Variants in CD96 observed in about 807,000 individuals in gnomAD.
CD96 encodes T-cell surface protein tactile.
A neutral mutation model predicts 71.3 loss-of-function variants in CD96; 70 were observed. The observed-to-expected ratio is 0.98, with a 90% CI of 0.81 to 1.20. The LOEUF (loss-of-function observed/expected upper bound fraction) is 1.20, where lower values mean the gene tolerates loss of function less well. Among genes scored for constraint, CD96 ranks in the 50% most tolerant of loss-of-function variants. The pLI is 0.00. For synonymous variants in CD96, 248 were observed against 233.0 expected (o/e 1.06, Z -0.59); for missense variants, 742 against 677.5 (o/e 1.10, Z -1.06).
rs994988882 is a variant in CD96 at position 111,618,121 on chromosome 3, C to T, written c.1181-5633C>T. 1.1e-4 allele frequency among the ~76,000 whole-genome samples: 16 copies of T among 152,358 alleles called. 1 individual carries two copies. In the East Asian group the frequency reaches 1.2e-3, roughly 11 times the overall value. On this transcript the variant is annotated intron_variant, in intron 8 of 13. Coordinates refer to ENST00000352690, the MANE Select transcript of CD96 (RefSeq NM_005816.5). ...GGCTGTGTGCAGTGGCCAGACCCCA[C>T]GCTCACTCGTTCACACACCCCTTGC... is the stretch of plus-strand genomic sequence containing the variant.
intron 2 of CD96, among the ~76,000 whole-genome samples, chr3:111,550,500 T>C (rs1440949443): frequency 6.6e-6 from 1 of 151,690 alleles, no homozygotes; most frequent in Non-Finnish European, 1.5e-5. Flanking sequence ...GGTAGTTAAA[T>C]ACACAGTATG....
intron 2 of CD96, among the ~76,000 whole-genome samples, chr3:111,552,008 A>G (rs749631822): frequency 2.0e-5 from 3 of 151,992 alleles, no homozygotes; most frequent in South Asian, 2.1e-4. Flanking sequence ...GTGCAAGATG[A>G]TATCTCCTTG....
intron 5 of CD96, among the ~76,000 whole-genome samples, chr3:111,596,886 G>C (rs1031191734): frequency 1.6e-4 from 25 of 152,298 alleles, no homozygotes; most frequent in Middle Eastern, 3.4e-3. Flanking sequence ...TACGGTGTTT[G>C]CCACCCAGCA....
intron 5 of CD96, among the ~76,000 whole-genome samples, chr3:111,587,495 C>G (rs1936769686): frequency 6.6e-6 from 1 of 152,186 alleles, no homozygotes; most frequent in African/African-American, 2.4e-5. Context: ...TTTCCAGGCA[C>G]ACAGTGCAAG....
At chr3:111,604,943 A>T (rs1453149536) in intron 7 of CD96, among the ~76,000 whole-genome samples, 1 of 152,236 alleles carries the variant, frequency 6.6e-6, no homozygotes, top group African/African-American at 2.4e-5. Flanking sequence ...TGTAGGCCAT[A>T]GTTTGCCAAC....
At chr3:111,659,346 T>C (rs531850371) in intron 14 of CD96, among the ~76,000 whole-genome samples, 1 of 152,160 alleles carries the variant, frequency 6.6e-6, no homozygotes, top group Non-Finnish European at 1.5e-5. Flanking sequence ...TCATGGATCT[T>C]TTGCATCTCA....
chr3:111,654,316 G>A (rs1043497531), downstream of CD96, among the ~76,000 whole-genome samples: 6 of 152,092 alleles, frequency 3.9e-5, no homozygotes, highest in African/African-American at 9.7e-5. Context: ...GGATTTCCTC[G>A]ATTACTAACA....
rs911750968 is a variant in CD96 at position 111,618,789 on chromosome 3, T to C, written c.1181-4965T>C. Among the ~76,000 whole-genome samples the C allele has an allele frequency of 2.0e-5, 3 of 151,974 alleles. No homozygotes were observed. In the East Asian group the frequency reaches 5.8e-4, roughly 30 times the overall value. Reference sequence around the variant, plus strand: ...GGTTTCACCGTGTTAGCCAGGATGGTCTCAATCTCCTGACCTCATGATCCA... The same window carrying C: ...GGTTTCACCGTGTTAGCCAGGATGGCCTCAATCTCCTGACCTCATGATCCA... On this transcript the variant is annotated intron_variant, in intron 8 of 13. Transcript: ENST00000352690.
intron 5 of CD96, chr3:111,593,524 A>G (rs1487780935): frequency 6.6e-7 from 1 of 1,510,110 alleles, no homozygotes; most frequent in African/African-American, 1.4e-5. Context: ...ATGTTTTCAG[A>G]ATAGATTCTC....
intron 8 of CD96, among the ~76,000 whole-genome samples, chr3:111,607,716 C>G (rs1937690589): frequency 6.6e-6 from 1 of 152,194 alleles, no homozygotes; most frequent in African/African-American, 2.4e-5. Flanking sequence ...GTCGCTGTCA[C>G]AGGTTGATAC....
At chr3:111,645,978 A>G (rs1939809688) in intron 12 of CD96, among the ~76,000 whole-genome samples, 1 of 152,128 alleles carries the variant, frequency 6.6e-6, no homozygotes, top group South Asian at 2.1e-4. Context: ...TTTGACCTGT[A>G]TTTTTTGAGA....
At chr3:111,637,426 A>T (rs1190988789) in intron 11 of CD96, among the ~76,000 whole-genome samples, 165 bp downstream of exon 11, 1 of 152,238 alleles carries the variant, frequency 6.6e-6, no homozygotes, top group African/African-American at 2.4e-5. Flanking sequence ...CTTCTCAGCC[A>T]TTCAAAGAAG....
intron 3 of CD96, among the ~76,000 whole-genome samples, chr3:111,571,354 C>A (rs902329531): frequency 1.3e-5 from 2 of 151,340 alleles, no homozygotes; most frequent in Admixed American, 6.6e-5. Flanking sequence ...CAGTCTTATT[C>A]ATTGTTCTCA....
At chr3:111,572,444 C>G (rs1019882123) in intron 3 of CD96, among the ~76,000 whole-genome samples, 6 of 152,220 alleles carry the variant, frequency 3.9e-5, no homozygotes, top group African/African-American at 1.4e-4. Context: ...CTCTTAGTAT[C>G]ATAATTGTTA....
At chr3:111,595,230 G>A (rs992404659) in intron 5 of CD96, 3 of 152,384 alleles carry the variant, frequency 2.0e-5, no homozygotes, top group Admixed American at 6.5e-5. Flanking sequence ...ACTAATGAGA[G>A]CTTTATTTAA....
At chr3:111,572,357 C>T (rs1013504517) in intron 3 of CD96, among the ~76,000 whole-genome samples, 1 of 152,172 alleles carries the variant, frequency 6.6e-6, no homozygotes, top group Non-Finnish European at 1.5e-5. Flanking sequence ...TGAACTTGCT[C>T]TCAAATTCTT....
At chr3:111,553,308 C>A (rs573814575) in intron 2 of CD96, among the ~76,000 whole-genome samples, 1 of 151,748 alleles carries the variant, frequency 6.6e-6, no homozygotes, top group East Asian at 1.9e-4. Flanking sequence ...GATGATTTGT[C>A]CAGCCTGGAT....
chr3:111,579,063 A>G lies in CD96; in HGVS notation c.580A>G (p.Asn194Asp). The change falls in exon 4 of 14, where the codon AAT becomes GAT. Residue 194 changes from asparagine to aspartate, a missense_variant. By Grantham distance (23) the Asn-to-Asp change is conservative. Coordinates refer to ENST00000352690, the MANE Select transcript of CD96 (RefSeq NM_005816.5). ...AACTCAGGAAACACTTATCTCCCAA[A>G]ATCACCTCATCAGCAATTCCACATT... Reference protein sequence around the residue: ...NGTQETLISQNHLISNSTLLK... With the variant: ...NGTQETLISQDHLISNSTLLK... 1.9e-6 allele frequency: 3 copies of G among 1,610,498 alleles called. No individual in the cohort carries two copies. Among genetic ancestry groups the G allele is most frequent in the South Asian group, 1.1e-5 (1 of 91,014 alleles).
At position 111,587,065 on chromosome 3, in the gene CD96, G is replaced by A. The variant is rs576586953; in HGVS notation, c.807+1687G>A. On this transcript the variant is annotated intron_variant, in intron 5 of 13. Coordinates refer to ENST00000352690, the MANE Select transcript of CD96 (RefSeq NM_005816.5). ...TAGATACAATGGAGTACAGGTATTG[G>A]ATAAATACAGCCATTCCAAATGGAA... 5.0e-3 allele frequency among the ~76,000 whole-genome samples: 757 copies of A among 152,142 alleles called. 6 individuals carry two copies. Among genetic ancestry groups the A allele is most frequent in the African/African-American group, 0.017 (707 of 41,486 alleles).
Sources: allele counts gnomAD v4.1 joint callset (sites outside exome capture counted in the v4.1 genomes callset), GRCh38; gene constraint gnomAD v4.1.1; transcripts MANE v1.5; gene names NCBI Gene and HGNC (gene_info 2026-07-23, HGNC 2026-07-21).